The following CPSF4 variants were observed in gnomAD, a reference collection of about 807,000 sequenced individuals.
CPSF4 encodes cleavage and polyadenylation specific factor 4.
Under a neutral mutation model 37.7 loss-of-function variants are expected in CPSF4, and 11 were observed. The ratio of observed to expected loss-of-function variants is 0.29; its 90% CI spans 0.18 to 0.48. The LOEUF is 0.48. Ranked by LOEUF, CPSF4 falls within the 20% of genes least tolerant of loss-of-function variation. CPSF4 has a pLI of 0.99. For synonymous variants in CPSF4, 132 were observed against 135.9 expected, an observed-to-expected ratio of 0.97 and a Z score of 0.20; for missense variants, 144 against 359.5, an observed-to-expected ratio of 0.40 and a Z score of 4.85.
intron 2 of CPSF4, among the ~76,000 whole-genome samples, chr7:99,446,485 C>T (rs1797504067): frequency 1.3e-5 from 2 of 152,162 alleles, no homozygotes; most frequent in African/African-American, 4.8e-5. Flanking sequence ...GCCAGGCCAC[C>T]CGTTAGAAGT....
In CPSF4 at chr7:99,456,406, C is replaced by CTT. The variant is rs1798317147; in HGVS notation, c.742-25_742-24dup. On this transcript the variant is annotated intron_variant, in intron 7 of 7. Transcript: ENST00000292476. ...AACAGTGTTGTTGTCTGTCTCTCCT[C>CTT]TTCCCCCACTTCCTGCTGTTCCCAG... 4.3e-6 allele frequency: 7 copies of CTT among 1,610,624 alleles called. No homozygotes were observed. The South Asian group carries it at 7.7e-5, about 18-fold the overall frequency.
intron 5 of CPSF4, 39 bp downstream of exon 5, chr7:99,450,834 G>A (rs747222779): frequency 2.0e-5 from 30 of 1,480,064 alleles, no homozygotes; most frequent in Admixed American, 5.0e-5. Context: ...CCCAGCTCCC[G>A]GCCCAGGCCC....
chr7:99,451,627 A>G (rs1185257830), intron 5 of CPSF4, among the ~76,000 whole-genome samples: 2 of 152,180 alleles, frequency 1.3e-5, no homozygotes, highest in African/African-American at 2.4e-5. Context: ...ATAAATAAAT[A>G]GCAAGTCTGT....
chr7:99,448,981 G>A lies in CPSF4; in HGVS notation c.307+708G>A, dbSNP rs45486099. On this transcript the variant is annotated intron_variant, in intron 3 of 7. Coordinates refer to ENST00000292476, the MANE Select transcript of CPSF4 (RefSeq NM_006693.4). This position sits in a 1 kb window ranked among gnomAD's most constrained non-coding sequence, Gnocchi z 4.4. ...AGAAGCGGGAGCCCGGGTGGAGTCA[G>A]TGGGGCTGGCACGGAGTCTGGCAGA... The A allele has an allele frequency of 0.021, 3,153 of 152,858 alleles. 107 individuals are homozygous for A. The highest frequency in any genetic ancestry group is 0.069 in the African/African-American group (2,886 of 41,578). The allele number at this position is 152,858 out of a possible 1,614,324, so 9.5% of individuals were successfully genotyped here.
chr7:99,445,618 T>C (rs1797426371), intron 2 of CPSF4, among the ~76,000 whole-genome samples: 1 of 152,182 alleles, frequency 6.6e-6, no homozygotes, highest in South Asian at 2.1e-4. Context: ...GCGTGGTGGC[T>C]TACGCCTGTA....
rs1220688112 is a variant in CPSF4, at chr7:99,456,243, T to C, written c.742-189T>C. On this transcript the variant is annotated intron_variant, in intron 7 of 7. Coordinates refer to ENST00000292476, the MANE Select transcript of CPSF4 (RefSeq NM_006693.4). ...CTGGCTAGTTTCTGCACCACTGCACTTTCCATCCTGAGCTCCCTCACCCTC... is the reference window on the plus strand; with the variant it reads ...CTGGCTAGTTTCTGCACCACTGCACCTTCCATCCTGAGCTCCCTCACCCTC... 4.8e-6 allele frequency: 3 copies of C among 622,804 alleles called. No homozygotes were observed. In the East Asian group the frequency reaches 8.3e-5, roughly 17 times the overall value. 38.6% of individuals were successfully genotyped at this position (622,804 alleles called of 1,614,324 possible).
rs1796961749 is a variant in CPSF4 at position 99,441,329 on chromosome 7, C to G, written c.103+2144C>G. The G allele has an allele frequency of 6.7e-6, 3 of 446,568 alleles. No individual in the cohort carries two copies. In the Admixed American group the frequency reaches 7.1e-5, roughly 11 times the overall value. The allele number at this position is 446,568 out of a possible 1,614,324, so 27.7% of individuals were successfully genotyped here. A position where few individuals can be genotyped will look rare whatever the true frequency, so the allele number is the denominator to read the frequency against. Reference sequence around the variant, plus strand: ...GGGCAGCTCTTTTCCTCCCACCCTTCTGCCATCTGACACATCCACAAGCCT... The same window carrying G: ...GGGCAGCTCTTTTCCTCCCACCCTTGTGCCATCTGACACATCCACAAGCCT... On this transcript the variant is annotated intron_variant, in intron 1 of 7. Coordinates refer to ENST00000292476, the MANE Select transcript of CPSF4 (RefSeq NM_006693.4).
chr7:99,451,815 C>T (rs1313777260), intron 5 of CPSF4, among the ~76,000 whole-genome samples: 4 of 152,204 alleles, frequency 2.6e-5, no homozygotes, highest in African/African-American at 4.8e-5. Flanking sequence ...CTGCCTCGCC[C>T]ACACTGCTGA....
rs974945546 is a variant in CPSF4, at chr7:99,443,242, C to G, written c.104-1547C>G. 11 of 774,664 alleles carry G rather than the reference C, an allele frequency of 1.4e-5. No homozygotes were observed. In the African/African-American group the frequency reaches 1.9e-4, roughly 13 times the overall value. The allele number at this position is 774,664 out of a possible 1,614,324, so 48.0% of individuals were successfully genotyped here. ...TGTGGTATTTCAGATGTAATTTTCA[C>G]CACTTTCTTCTCTGCTGCCACATCA... On this transcript the variant is annotated intron_variant, in intron 1 of 7. Transcript: ENST00000292476.
intron 7 of CPSF4, among the ~76,000 whole-genome samples, chr7:99,455,238 A>G (rs1186184010): frequency 1.3e-5 from 2 of 152,190 alleles, no homozygotes; most frequent in African/African-American, 4.8e-5. Context: ...TTAATGTCAG[A>G]GACACTTCAT....
chr7:99,442,517 A>G (rs1797078935), intron 1 of CPSF4, among the ~76,000 whole-genome samples: 1 of 151,726 alleles, frequency 6.6e-6, no homozygotes, highest in Non-Finnish European at 1.5e-5. Flanking sequence ...TTAGCTGGGC[A>G]AGGTGGCGGG....
At chr7:99,452,508 C>A in intron 6 of CPSF4, 68 bp downstream of exon 6, 1 of 1,427,500 alleles carries the variant, frequency 7.0e-7, no homozygotes, top group Non-Finnish European at 9.9e-7. Context: ...CAGTGTCCCC[C>A]AGGGGTGTGG....
chr7:99,442,873 G>A (rs535964740), intron 1 of CPSF4: 229 of 1,122,906 alleles, frequency 2.0e-4, no homozygotes, highest in Non-Finnish European at 3.0e-4. Flanking sequence ...AAAGTATCAA[G>A]AACCTTTCAT....
intron 2 of CPSF4, among the ~76,000 whole-genome samples, chr7:99,447,310 C>G (rs1391322168): frequency 1.4e-5 from 2 of 144,324 alleles, no homozygotes; most frequent in East Asian, 4.1e-4. Flanking sequence ...TTCTTGTCAT[C>G]CAGGCTGGAG....
chr7:99,452,664 GCAGA>G, intron 6 of CPSF4: 1 of 556,700 alleles, frequency 1.8e-6, no homozygotes, highest in South Asian at 2.0e-5. Flanking sequence ...AAGCGCAGCA[GCAGA>G]CACAGTCCAG....
intron 1 of CPSF4, among the ~76,000 whole-genome samples, chr7:99,443,944 T>C (rs1177957221): frequency 6.6e-6 from 1 of 151,992 alleles, no homozygotes; most frequent in Non-Finnish European, 1.5e-5. Flanking sequence ...AAAAATTGTG[T>C]ACGGATGTTG....
chr7:99,444,929 C>A, intron 2 of CPSF4, 90 bp downstream of exon 2: 3 of 1,099,562 alleles, frequency 2.7e-6, no homozygotes, highest in Non-Finnish European at 4.1e-6. Context: ...AGGTCTCTGG[C>A]TTACATTGCT....
At chr7:99,449,962 A>C (rs1285721963) in intron 3 of CPSF4, among the ~76,000 whole-genome samples, 1 of 152,156 alleles carries the variant, frequency 6.6e-6, no homozygotes, top group African/African-American at 2.4e-5. Context: ...GCAACTACTC[A>C]GGAAGGCGGT....
chr7:99,444,445 G>A (rs1244214131), intron 1 of CPSF4, among the ~76,000 whole-genome samples: 2 of 150,936 alleles, frequency 1.3e-5, no homozygotes, highest in Non-Finnish European at 2.9e-5. Context: ...CAACTAGAGC[G>A]AAACCCCATC....
Sources: gnomAD v4.1 joint callset for allele counts (sites outside exome capture counted in the v4.1 genomes callset) on GRCh38, gnomAD v4.1.1 for gene constraint, Gnocchi (gnomAD v3.1) non-coding constraint, MANE v1.5 for transcripts, NCBI Gene and HGNC (gene_info 2026-07-23, HGNC 2026-07-21) for gene names.